LRRC9: variants seen among roughly 807,000 people sequenced by gnomAD.
LRRC9 encodes leucine rich repeat containing 9, also known as leucine-rich repeat-containing protein 9.
In LRRC9, 122 loss-of-function variants were observed where a neutral mutation model predicts 63.2. The ratio of observed to expected loss-of-function variants is 1.93; its 90% confidence interval spans 1.67 to 2.24. The LOEUF (loss-of-function observed/expected upper bound fraction) is 2.24, where lower values mean the gene tolerates loss of function less well. Among genes scored for constraint, LRRC9 ranks in the 30% most tolerant of loss-of-function variants. The pLI is 0.00. For synonymous variants in LRRC9, 366 were observed against 213.1 expected, an observed-to-expected ratio of 1.72 and a Z score of -6.25; for missense variants, 1,071 against 627.7, an observed-to-expected ratio of 1.71 and a Z score of -7.55.
chr14:59,949,590 AG>A (rs199588382), intron 8 of LRRC9, among the ~76,000 whole-genome samples: 26,072 of 150,566 alleles, frequency 0.17, 2,587 homozygotes, highest in East Asian at 0.3. Flanking sequence ...TTGTGATGTT[AG>A]GGTGTCAATT....
At chr14:59,921,717 ATTTT>A (rs57938700) in intron 1 of LRRC9, among the ~76,000 whole-genome samples, 3 of 121,174 alleles carry the variant, frequency 2.5e-5, no homozygotes, top group African/African-American at 6.2e-5. Flanking sequence ...GGGCAGTTGG[ATTTT>A]TTTTTTTTTT....
chr14:59,959,716 C>T, intron 8 of LRRC9, 102 bp from the exon 9 acceptor site: 1 of 493,494 alleles, frequency 2.0e-6, no homozygotes. Flanking sequence ...TTAAATTAGA[C>T]ATTTGTTTAA....
At chr14:60,011,670 T>TTAATAATTG (rs1890269617) in intron 23 of LRRC9, among the ~76,000 whole-genome samples, 1 of 152,192 alleles carries the variant, frequency 6.6e-6, no homozygotes, top group Non-Finnish European at 1.5e-5. Flanking sequence ...TAATTGGACA[T>TTAATAATTG]GAAGACTAGA....
intron 29 of LRRC9, among the ~76,000 whole-genome samples, chr14:60,037,230 G>C (rs1054813426): frequency 1.3e-5 from 2 of 152,166 alleles, no homozygotes; most frequent in African/African-American, 4.8e-5. Context: ...AAACATATGT[G>C]TGCATGTGTC....
At chr14:60,013,123 A>C (rs1890390582) in intron 23 of LRRC9, among the ~76,000 whole-genome samples, 1 of 117,672 alleles carries the variant, frequency 8.5e-6, no homozygotes, top group South Asian at 3.0e-4. Flanking sequence ...CCCAAGGCTT[A>C]ATATGTTTTT....
At chr14:60,038,739 C>G (rs982836962) in intron 29 of LRRC9, among the ~76,000 whole-genome samples, 1 of 152,174 alleles carries the variant, frequency 6.6e-6, no homozygotes, top group African/African-American at 2.4e-5. Context: ...TCCTCTTTTC[C>G]TAACTGAATA....
chr14:59,928,568 G>A (rs1335056198), intron 3 of LRRC9, 82 bp downstream of exon 3: 4 of 524,090 alleles, frequency 7.6e-6, no homozygotes, highest in Non-Finnish European at 1.3e-5. Flanking sequence ...TGAAATATAT[G>A]CATAAGGCAT....
Position 60,017,912 on chromosome 14 carries a change from TACCTGC to T in LRRC9, c.3318-458_3318-453del, listed in dbSNP as rs1406238201. On this transcript the variant is annotated intron_variant, in intron 24 of 31. Coordinates refer to ENST00000445360, the Ensembl canonical transcript of LRRC9. This position sits in a 1 kb window ranked among gnomAD's most constrained non-coding sequence, Gnocchi z 4.0. ...ACAGAAACTCTATTTTCAAAGACCT[TACCTGC>T]TTTTCCTTTCCTTTCCTATCCCTAA... Among the ~76,000 whole-genome samples the T allele has an allele frequency of 1.3e-5, 2 of 152,094 alleles. No homozygotes were observed. Among genetic ancestry groups the T allele is most frequent in the Admixed American group, 1.3e-4 (2 of 15,240 alleles).
intron 17 of LRRC9, among the ~76,000 whole-genome samples, chr14:59,996,657 A>G (rs1313442239): frequency 6.6e-6 from 1 of 152,248 alleles, no homozygotes; most frequent in Non-Finnish European, 1.5e-5. Flanking sequence ...GTAATAATGT[A>G]AATTAAAATA....
At position 60,031,974 on chromosome 14, in the gene LRRC9, T is replaced by G; in HGVS notation, c.3922-21T>G. 1 of 695,704 alleles carries G rather than the reference T, an allele frequency of 1.4e-6. No individual in the cohort carries two copies. The highest frequency in any genetic ancestry group is 2.6e-6 in the Non-Finnish European group (1 of 382,100). The allele number at this position is 695,704 out of a possible 1,614,324, so 43.1% of individuals were successfully genotyped here. A position where few individuals can be genotyped will look rare whatever the true frequency, so the allele number is the denominator to read the frequency against. ...TGTTGAGTCTAACCAAATAATAACT[T>G]ACTGATTAACTTTTGAATAGGATAT... On this transcript the variant is annotated intron_variant, in intron 28 of 31. Coordinates refer to ENST00000445360, the Ensembl canonical transcript of LRRC9. The surrounding 1 kb of genome is among the most constrained non-coding windows in gnomAD (Gnocchi z 4.6).
At chr14:59,955,700 CTT>C (rs139725454) in intron 8 of LRRC9, among the ~76,000 whole-genome samples, 3,069 of 152,124 alleles carry the variant, frequency 0.02, 118 homozygotes, top group East Asian at 0.18. Context: ...TTTGTTTGCT[CTT>C]GTTTCTATAG....
chr14:60,058,965 T>C lies in LRRC9; in HGVS notation c.4276+943T>C, dbSNP rs1415246183. The C allele has an allele frequency of 6.6e-6, 1 of 152,196 alleles. No individual in the cohort carries two copies. The highest frequency in any genetic ancestry group is 1.5e-5 in the Non-Finnish European group (1 of 68,012). The allele number at this position is 152,196 out of a possible 1,614,324, so 9.4% of individuals were successfully genotyped here. A position where few individuals can be genotyped will look rare whatever the true frequency, so the allele number is the denominator to read the frequency against. On this transcript the variant is annotated intron_variant, in intron 31 of 31. Coordinates refer to ENST00000445360, the Ensembl canonical transcript of LRRC9. This position sits in a 1 kb window ranked among gnomAD's most constrained non-coding sequence, Gnocchi z 4.4. Reference sequence around the variant, plus strand: ...AGATTGTCATGCTTTTGTCTACAACTGTCAGTAAAATTGGGCATACCAAAT... The same window carrying C: ...AGATTGTCATGCTTTTGTCTACAACCGTCAGTAAAATTGGGCATACCAAAT...
At chr14:59,973,392 GA>G (rs932436192) in intron 12 of LRRC9, 16 of 152,152 alleles carry the variant, frequency 1.1e-4, no homozygotes, top group Admixed American at 4.6e-4. Flanking sequence ...GATGTTCATT[GA>G]AAGTCTAAAA....
rs186937085 is a variant in LRRC9 at position 59,943,232 on chromosome 14, A to T, written c.727-1357A>T. ...CCATGCTTTTGAAGTATTTGCCTAG[A>T]TCAATGTCCTGAAGTATTTTCTCTC... On this transcript the variant is annotated intron_variant, in intron 7 of 31. Coordinates refer to ENST00000445360, the Ensembl canonical transcript of LRRC9. Among the ~76,000 whole-genome samples the T allele has an allele frequency of 3.3e-5, 5 of 152,148 alleles. No homozygotes were observed. The East Asian group carries it at 9.7e-4, about 29-fold the overall frequency.
exon 32 of LRRC9, chr14:60,063,337 A>C (rs1894778242): frequency 1.4e-6 from 1 of 701,848 alleles, no homozygotes; most frequent in African/African-American, 1.7e-5. Context: ...TTTGGGAGCA[A>C]CTTTCCAAGA....
chr14:59,937,195 TA>T (rs755193026), intron 6 of LRRC9, among the ~76,000 whole-genome samples: 19,636 of 89,484 alleles, frequency 0.22, 1,568 homozygotes, highest in African/African-American at 0.33. Flanking sequence ...ATGTTTTCTG[TA>T]AAAAAAAAAA....
chr14:60,009,323 T>TCA (rs1255884688), intron 23 of LRRC9, among the ~76,000 whole-genome samples: 1 of 152,164 alleles, frequency 6.6e-6, no homozygotes, highest in East Asian at 1.9e-4. Context: ...TGGGGAGGCC[T>TCA]CACAATCATA....
chr14:59,934,470 T>A (rs549541412), intron 6 of LRRC9, among the ~76,000 whole-genome samples: 19 of 152,286 alleles, frequency 1.2e-4, no homozygotes, highest in South Asian at 6.2e-4. Context: ...AATCTTGGCA[T>A]AACAAGCAAG....
In LRRC9 at chr14:59,931,971, CGA is replaced by C. The variant is rs1232514943; in HGVS notation, c.476_477del (p.Arg159LeufsTer3). The C allele has an allele frequency of 7.2e-6, 5 of 698,536 alleles. No homozygotes were observed. The highest frequency in any genetic ancestry group is 1.3e-5 in the Non-Finnish European group (5 of 383,198). The allele number at this position is 698,536 out of a possible 1,614,324, so 43.3% of individuals were successfully genotyped here. On this transcript the variant is annotated frameshift_variant, in exon 6 of 32. Coordinates refer to ENST00000445360, the Ensembl canonical transcript of LRRC9. LOFTEE classifies it high-confidence loss of function. Reference sequence around the variant, plus strand: ...TTCTTTTCGTCTATTTTTTAAAGGTCGATGTCTTGACTCCAATGAACAACTGG... The same window carrying C: ...TTCTTTTCGTCTATTTTTTAAAGGTCTGTCTTGACTCCAATGAACAACTGG...
Sources: allele counts gnomAD v4.1 joint callset (sites outside exome capture counted in the v4.1 genomes callset), GRCh38; gene constraint gnomAD v4.1.1; non-coding constraint Gnocchi (gnomAD v3.1); transcripts MANE v1.5; gene names NCBI Gene and HGNC (gene_info 2026-07-23, HGNC 2026-07-21).